The following SHLD1 variants were observed in gnomAD, a reference collection of about 807,000 sequenced individuals.
SHLD1 encodes shieldin complex subunit 1.
In SHLD1, 3 loss-of-function variants were observed where a neutral mutation model predicts 5.5. The observed-to-expected ratio is 0.54, with a 90% CI of 0.25 to 1.40. The LOEUF (loss-of-function observed/expected upper bound fraction) is 1.40, where lower values mean the gene tolerates loss of function less well. Among genes scored for constraint, SHLD1 ranks in the 40% most tolerant of loss-of-function variants. The pLI is 0.15. For missense variants in SHLD1, 210 were observed against 244.4 expected (o/e 0.86, Z 0.94); for synonymous variants, 92 against 94.3 (o/e 0.98, Z 0.14).
At chr20:5,835,968 A>G (rs919510950) in intron 2 of SHLD1, among the ~76,000 whole-genome samples, 2 of 152,126 alleles carry the variant, frequency 1.3e-5, no homozygotes, top group African/African-American at 4.8e-5. Flanking sequence ...TACTAACATG[A>G]CCGATCGGAG....
At position 5,752,232 on chromosome 20, in the gene SHLD1, C is replaced by T. The variant is rs534394274; in HGVS notation, c.-5+1753C>T. Among the ~76,000 whole-genome samples the T allele has an allele frequency of 1.8e-4, 27 of 151,854 alleles. No individual in the cohort carries two copies. In the South Asian group the frequency reaches 5.0e-3, roughly 28 times the overall value. ...CCAACATGATGAAACACCATCTCTA[C>T]GAAAAATAAAAAAATTAGCCAGGCA... On this transcript the variant is annotated intron_variant, in intron 1 of 2. Coordinates refer to ENST00000303142, the MANE Select transcript of SHLD1 (RefSeq NM_152504.4).
chr20:5,755,620 T>TAAA (rs1984039545), intron 1 of SHLD1, among the ~76,000 whole-genome samples: 1 of 151,650 alleles, frequency 6.6e-6, no homozygotes, highest in Admixed American at 6.6e-5. Context: ...AGTGGAATGG[T>TAAA]GTCATCTAGG....
At chr20:5,765,769 CTTTTTTTTTT>C (rs756234026) in intron 1 of SHLD1, among the ~76,000 whole-genome samples, 2 of 62,092 alleles carry the variant, frequency 3.2e-5, no homozygotes, top group East Asian at 6.4e-4. Context: ...CGCACAAATC[CTTTTTTTTTT>C]TTTTTTTTTT....
chr20:5,852,880 A>C (rs984093618), intron 2 of SHLD1, among the ~76,000 whole-genome samples: 5 of 152,196 alleles, frequency 3.3e-5, no homozygotes, highest in Non-Finnish European at 5.9e-5. Flanking sequence ...GGGACTAGAG[A>C]GGAGTTTGGC....
chr20:5,764,527 CAA>C (rs375996514), intron 1 of SHLD1, among the ~76,000 whole-genome samples: 20 of 111,090 alleles, frequency 1.8e-4, no homozygotes, highest in Non-Finnish European at 1.6e-4. Flanking sequence ...GACCTTGTCT[CAA>C]AAAAAAAAAA....
At chr20:5,820,576 A>T (rs2122410100) in intron 2 of SHLD1, among the ~76,000 whole-genome samples, 1 of 152,338 alleles carries the variant, frequency 6.6e-6, no homozygotes, top group African/African-American at 2.4e-5. Context: ...TTCCACAGTG[A>T]CATTTTCACC....
At chr20:5,807,426 G>T (rs1488968407) in intron 2 of SHLD1, among the ~76,000 whole-genome samples, 2 of 142,412 alleles carry the variant, frequency 1.4e-5, no homozygotes, top group Non-Finnish European at 3.0e-5. Context: ...GCTCTCTTTT[G>T]ATAATGCGAT....
At chr20:5,784,081 G>T (rs2087023237) in intron 2 of SHLD1, among the ~76,000 whole-genome samples, 1 of 151,874 alleles carries the variant, frequency 6.6e-6, no homozygotes, top group East Asian at 1.9e-4. Context: ...AACCCGGGAG[G>T]CGGAGGTTGC....
intron 2 of SHLD1, among the ~76,000 whole-genome samples, chr20:5,848,746 G>A (rs868448858): frequency 9.2e-5 from 14 of 152,156 alleles, no homozygotes; most frequent in South Asian, 2.1e-4. Context: ...TTGCCCTGGC[G>A]CCTACTTTTA....
intron 1 of SHLD1, chr20:5,756,957 G>C (rs1984148349): frequency 6.4e-6 from 1 of 155,104 alleles, no homozygotes. Flanking sequence ...GAATAGAAGT[G>C]ATAAGAGTAG....
chr20:5,823,034 A>C (rs1022047735), intron 2 of SHLD1, among the ~76,000 whole-genome samples: 2 of 108,190 alleles, frequency 1.8e-5, no homozygotes, highest in East Asian at 6.1e-4. Flanking sequence ...CACCACTGCT[A>C]TTGTTATGGA....
At chr20:5,829,063 G>A (rs1363569800) in intron 2 of SHLD1, among the ~76,000 whole-genome samples, 1 of 150,460 alleles carries the variant, frequency 6.6e-6, no homozygotes, top group Non-Finnish European at 1.5e-5. Context: ...TTTTTGTAGA[G>A]ACAGAGTCTC....
chr20:5,815,452 G>A (rs1166811152), intron 2 of SHLD1, among the ~76,000 whole-genome samples: 1 of 152,216 alleles, frequency 6.6e-6, no homozygotes, highest in Non-Finnish European at 1.5e-5. Context: ...CCAATGATGT[G>A]TAAATAAGAC....
intron 2 of SHLD1, among the ~76,000 whole-genome samples, chr20:5,857,054 T>C (rs1439697761): frequency 6.6e-6 from 1 of 152,192 alleles, no homozygotes; most frequent in Non-Finnish European, 1.5e-5. Context: ...CAATCTCGGC[T>C]CACTGCAACC....
At chr20:5,792,546 A>C (rs543817084) in intron 2 of SHLD1, among the ~76,000 whole-genome samples, 1 of 152,006 alleles carries the variant, frequency 6.6e-6, no homozygotes, top group Non-Finnish European at 1.5e-5. Context: ...CAGTCCCCCA[A>C]ATAGCTGGGA....
chr20:5,773,269 G>A, intron 2 of SHLD1: 9 of 662,642 alleles, frequency 1.4e-5, no homozygotes, highest in Middle Eastern at 2.5e-4. Flanking sequence ...TTTTGTTATT[G>A]TTGCTGTTAA....
chr20:5,831,839 C>A (rs1390289114), intron 2 of SHLD1, among the ~76,000 whole-genome samples: 1 of 152,134 alleles, frequency 6.6e-6, no homozygotes. Flanking sequence ...CACTCATAAT[C>A]CTTCTACAGA....
intron 1 of SHLD1, chr20:5,772,120 C>T: frequency 2.3e-6 from 1 of 442,110 alleles, no homozygotes; most frequent in South Asian, 1.6e-5. Flanking sequence ...AGGTGATCCA[C>T]CCACCTCAGC....
intron 2 of SHLD1, among the ~76,000 whole-genome samples, chr20:5,853,597 G>T (rs1263080106): frequency 1.3e-5 from 2 of 152,046 alleles, no homozygotes; most frequent in East Asian, 3.8e-4. Flanking sequence ...TGACTGATTG[G>T]GTTGTTTAGG....
Sources: allele counts gnomAD v4.1 joint callset (sites outside exome capture counted in the v4.1 genomes callset), GRCh38; gene constraint gnomAD v4.1.1; transcripts MANE v1.5; gene names NCBI Gene and HGNC (gene_info 2026-07-23, HGNC 2026-07-21).